Variants in ATP11A observed in about 807,000 individuals in gnomAD.
ATP11A encodes phospholipid-transporting ATPase IH.
ATP11A carries 81 observed loss-of-function variants against 154.4 expected under a neutral mutation model. The observed-to-expected ratio is 0.52, with a 90% CI of 0.44 to 0.63. The LOEUF (loss-of-function observed/expected upper bound fraction) is 0.63, where lower values mean the gene tolerates loss of function less well. ATP11A is among the 30% of genes least tolerant of loss of function. The probability of loss-of-function intolerance (pLI) is 0.00; values close to 1 mark genes in which losing one functional copy is unlikely to be tolerated. For missense variants in ATP11A, 1,316 were observed against 1,474.3 expected, an observed-to-expected ratio of 0.89 and a Z score of 1.76; for synonymous variants, 623 against 585.9, an observed-to-expected ratio of 1.06 and a Z score of -0.91.
intron 16 of ATP11A, among the ~76,000 whole-genome samples, chr13:112,839,773 T>C (rs1352344237): frequency 6.6e-6 from 1 of 152,226 alleles, no homozygotes; most frequent in Non-Finnish European, 1.5e-5. Flanking sequence ...ATTCACAAGC[T>C]GAGACAGTGG....
At chr13:112,730,007 T>A (rs1411919031) in intron 1 of ATP11A, among the ~76,000 whole-genome samples, 2 of 152,236 alleles carry the variant, frequency 1.3e-5, no homozygotes, top group African/African-American at 4.8e-5. Context: ...GTTACAGATT[T>A]GGGAGCTGGA....
At chr13:112,728,766 C>A (rs1890173788) in intron 1 of ATP11A, among the ~76,000 whole-genome samples, 1 of 152,200 alleles carries the variant, frequency 6.6e-6, no homozygotes. Flanking sequence ...TCTGTGATCG[C>A]TTACCTCTGC....
chr13:112,867,472 G>A (rs905304765), intron 25 of ATP11A, among the ~76,000 whole-genome samples: 5 of 152,214 alleles, frequency 3.3e-5, no homozygotes, highest in African/African-American at 4.8e-5. Flanking sequence ...AGGGCAGCCC[G>A]GCTGTGCTCC....
At position 112,792,660 on chromosome 13, in the gene ATP11A, A is replaced by T. The variant is rs1349223631; in HGVS notation, c.162+7403A>T. ...ATAGAGTTTGTTTCCTTCTTGGGGG[A>T]GAGACTTTGGGCAGTGTCAAAACCT... is the stretch of plus-strand genomic sequence containing the variant. On this transcript the variant is annotated intron_variant, in intron 2 of 29. Transcript: ENST00000375645. 3.2e-3 allele frequency among the ~76,000 whole-genome samples: 481 copies of T among 152,176 alleles called. 2 individuals carry two copies. Among genetic ancestry groups the T allele is most frequent in the African/African-American group, 0.011 (461 of 41,510 alleles).
intron 26 of ATP11A, among the ~76,000 whole-genome samples, chr13:112,872,226 CA>C (rs143208444): frequency 0.011 from 1,600 of 152,334 alleles, 34 homozygotes; most frequent in African/African-American, 0.037. Flanking sequence ...TATGAAATCT[CA>C]AAACCTATCA....
At chr13:112,729,463 A>G (rs533165626) in intron 1 of ATP11A, among the ~76,000 whole-genome samples, 9 of 150,752 alleles carry the variant, frequency 6.0e-5, no homozygotes, top group Admixed American at 2.6e-4. Context: ...TCGGCATTGC[A>G]GGCCCAGAGT....
Position 112,875,731 on chromosome 13 carries a change from A to G in ATP11A, c.3162-45A>G. ...TCCAGTGAGTAGAGAGGCCAGCCCC[A>G]GGGAGTACATGCCTCACCAGCGGCT... On this transcript the variant is annotated intron_variant, in intron 27 of 29. Transcript: ENST00000375645. This position sits in a 1 kb window ranked among gnomAD's most constrained non-coding sequence, Gnocchi z 4.1. The G allele has an allele frequency of 6.3e-7, 1 of 1,592,340 alleles. No homozygotes were observed. The highest frequency in any genetic ancestry group is 8.6e-7 in the Non-Finnish European group (1 of 1,164,812).
At chr13:112,870,923 G>GTGTGTC (rs1399392895) in intron 25 of ATP11A, among the ~76,000 whole-genome samples, 2 of 152,184 alleles carry the variant, frequency 1.3e-5, no homozygotes, top group Non-Finnish European at 2.9e-5. Flanking sequence ...GTCCTCACGG[G>GTGTGTC]TGTGTCTGTG....
At chr13:112,857,002 C>T (rs374401589) in intron 20 of ATP11A, among the ~76,000 whole-genome samples, 1 of 152,252 alleles carries the variant, frequency 6.6e-6, no homozygotes, top group Admixed American at 6.5e-5. Context: ...CTCTCCCTCA[C>T]ATGCGTAACT....
At chr13:112,867,322 C>T (rs770503126) in intron 25 of ATP11A, among the ~76,000 whole-genome samples, 15 of 152,196 alleles carry the variant, frequency 9.9e-5, no homozygotes, top group Non-Finnish European at 4.4e-5. Flanking sequence ...CCCGGACGTC[C>T]GGCTCCAGAC....
Position 112,735,596 on chromosome 13 carries a change from C to G in ATP11A, c.39+45141C>G, listed in dbSNP as rs543701372. On this transcript the variant is annotated intron_variant, in intron 1 of 29. Transcript: ENST00000375645. The stretch of plus-strand genomic sequence containing the variant: ...GGTTGTGATGCTTGCTGGAGTCAAT[C>G]TGTTCATTTCCAGGTTCTGTTTTGG... Among the ~76,000 whole-genome samples, 10 of 152,314 alleles carry G rather than the reference C, an allele frequency of 6.6e-5. No homozygotes were observed. The South Asian group carries it at 1.2e-3, about 19-fold the overall frequency.
Position 112,838,740 on chromosome 13 carries a change from G to A in ATP11A, c.1705+2489G>A, listed in dbSNP as rs1293449752. Among the ~76,000 whole-genome samples the A allele has an allele frequency of 1.3e-5, 2 of 152,200 alleles. No homozygotes were observed. Among genetic ancestry groups the A allele is most frequent in the African/African-American group, 4.8e-5 (2 of 41,464 alleles). On this transcript the variant is annotated intron_variant, in intron 16 of 29. Coordinates refer to ENST00000375645, the MANE Select transcript of ATP11A (RefSeq NM_015205.3). This position sits in a 1 kb window ranked among gnomAD's most constrained non-coding sequence, Gnocchi z 7.3. ...CTGGGACGCCTGTGGACCTCCTAGG[G>A]CCTCTCCAAGGAACTGAGAGCTTGC...
intron 1 of ATP11A, among the ~76,000 whole-genome samples, chr13:112,692,715 T>C (rs1885343811): frequency 6.6e-6 from 1 of 152,246 alleles, no homozygotes; most frequent in East Asian, 1.9e-4. Flanking sequence ...TTCATCTGGC[T>C]ACCTCACCCA....
At position 112,697,608 on chromosome 13, in the gene ATP11A, C is replaced by G. The variant is rs1374276845; in HGVS notation, c.39+7153C>G. On this transcript the variant is annotated intron_variant, in intron 1 of 29. Coordinates refer to ENST00000375645, the MANE Select transcript of ATP11A (RefSeq NM_015205.3). The surrounding 1 kb of genome is among the most constrained non-coding windows in gnomAD (Gnocchi z 4.0). ...TTTGAGACAGAGTCTCACTGTGTTG[C>G]TCAGGCTGGAGTGCAGTGGCTTGAT... is the stretch of plus-strand genomic sequence containing the variant. 1.3e-5 allele frequency among the ~76,000 whole-genome samples: 2 copies of G among 152,080 alleles called. No individual in the cohort carries two copies. Among genetic ancestry groups the G allele is most frequent in the Non-Finnish European group, 2.9e-5 (2 of 68,020 alleles).
chr13:112,764,479 G>A (rs1196101311), intron 1 of ATP11A, among the ~76,000 whole-genome samples: 1 of 152,216 alleles, frequency 6.6e-6, no homozygotes, highest in Non-Finnish European at 1.5e-5. Context: ...TCCTGATGAT[G>A]AGCAGAACAG....
At chr13:112,727,174 A>G (rs1288446584) in intron 1 of ATP11A, among the ~76,000 whole-genome samples, 4 of 152,132 alleles carry the variant, frequency 2.6e-5, no homozygotes, top group African/African-American at 9.7e-5. Context: ...CAGTCTCCCA[A>G]GTAGCTGGGA....
intron 1 of ATP11A, among the ~76,000 whole-genome samples, chr13:112,694,917 C>T (rs955872659): frequency 6.6e-6 from 1 of 151,986 alleles, no homozygotes; most frequent in Non-Finnish European, 1.5e-5. Flanking sequence ...GTGTGTTAAA[C>T]CTTCTAGAAA....
intron 1 of ATP11A, among the ~76,000 whole-genome samples, chr13:112,779,438 G>T (rs913163038): frequency 2.0e-5 from 3 of 151,904 alleles, no homozygotes; most frequent in Admixed American, 2.0e-4. Flanking sequence ...CTGGAGTGAG[G>T]AGTAGCCGCT....
chr13:112,806,454 C>T (rs1321778582), intron 4 of ATP11A, among the ~76,000 whole-genome samples, 161 bp downstream of exon 4: 5 of 152,126 alleles, frequency 3.3e-5, no homozygotes, highest in Non-Finnish European at 4.4e-5. Flanking sequence ...ATACTTGAAG[C>T]GAAATAAGAG....
Sources: allele counts gnomAD v4.1 joint callset (sites outside exome capture counted in the v4.1 genomes callset), GRCh38; gene constraint gnomAD v4.1.1; non-coding constraint Gnocchi (gnomAD v3.1); transcripts MANE v1.5; gene names NCBI Gene and HGNC (gene_info 2026-07-23, HGNC 2026-07-21).